The following ATG7 variants were observed in gnomAD, a reference collection of about 807,000 sequenced individuals.
ATG7 encodes ubiquitin-like modifier-activating enzyme ATG7.
Under a neutral mutation model 82.4 loss-of-function variants are expected in ATG7, and 70 were observed. The observed-to-expected ratio is 0.85, with a 90% CI of 0.70 to 1.04. The LOEUF is 1.04. Ranked by LOEUF, ATG7 falls within the 50% of genes least tolerant of loss-of-function variation. ATG7 has a pLI of 0.00. For missense variants in ATG7, 792 were observed against 864.3 expected (o/e 0.92, Z 1.05); for synonymous variants, 287 against 313.0 (o/e 0.92, Z 0.88).
intron 3 of ATG7, 49 bp from the exon 4 acceptor site, chr3:11,298,636 GT>G (rs1946315811): frequency 6.5e-7 from 1 of 1,543,088 alleles, no homozygotes. Flanking sequence ...TTCTCACCAG[GT>G]TTTGCATGGA....
intron 19 of ATG7, among the ~76,000 whole-genome samples, chr3:11,422,838 T>C (rs1239949841): frequency 7.4e-6 from 1 of 134,410 alleles, no homozygotes; most frequent in Non-Finnish European, 1.5e-5. Flanking sequence ...CACTGCAACG[T>C]CCGCCTCCTG....
At chr3:11,393,076 G>A (rs995316797) in intron 19 of ATG7, among the ~76,000 whole-genome samples, 6 of 152,178 alleles carry the variant, frequency 3.9e-5, no homozygotes, top group African/African-American at 1.4e-4. Context: ...CATTGGCGCA[G>A]GTGATGGAAT....
intron 19 of ATG7, among the ~76,000 whole-genome samples, chr3:11,387,870 T>A (rs2078439742): frequency 6.6e-6 from 1 of 152,160 alleles, no homozygotes; most frequent in South Asian, 2.1e-4. Flanking sequence ...CTCAGGAGGC[T>A]GAGGCAGGAG....
intron 6 of ATG7, 139 bp from the exon 7 acceptor site, chr3:11,308,845 C>G: frequency 1.3e-6 from 1 of 767,290 alleles, no homozygotes; most frequent in Non-Finnish European, 2.3e-6. Flanking sequence ...AGGTAACAAC[C>G]CACTTCATTG....
intron 20 of ATG7, among the ~76,000 whole-genome samples, chr3:11,455,069 TGAAG>T (rs1345524330): frequency 1.3e-5 from 2 of 152,234 alleles, no homozygotes; most frequent in Admixed American, 1.3e-4. Context: ...TAAATTCTAA[TGAAG>T]GAGTTTAACA....
rs60183965 is a variant in ATG7, at chr3:11,366,971, C to CTGTGTGTGTGTG, written c.1875+2269_1875+2280dup. Among the ~76,000 whole-genome samples, 1,151 of 139,766 alleles carry CTGTGTGTGTGTG rather than the reference C, an allele frequency of 8.2e-3. 7 individuals are homozygous for CTGTGTGTGTGTG. Among genetic ancestry groups the CTGTGTGTGTGTG allele is most frequent in the East Asian group, 0.014 (67 of 4,622 alleles). The allele number at this position is 139,766 out of a possible 152,430, so 91.7% of individuals were successfully genotyped here. A position where few individuals can be genotyped will look rare whatever the true frequency, so the allele number is the denominator to read the frequency against. ...ATAACGCAGCCATATATGGGAAAAG[C>CTGTGTGTGTGTG]TGTGTGTGTGTGTGTGTGTGTGTGT... On this transcript the variant is annotated intron_variant, in intron 18 of 20. Transcript: ENST00000693202.
chr3:11,491,021 C>G (rs1258686806), intron 20 of ATG7, among the ~76,000 whole-genome samples: 1 of 152,198 alleles, frequency 6.6e-6, no homozygotes, highest in Non-Finnish European at 1.5e-5. Context: ...GTTGGCCTAC[C>G]TTGCTAGATT....
intron 3 of ATG7, among the ~76,000 whole-genome samples, chr3:11,291,048 A>T (rs141210616): frequency 3.9e-5 from 6 of 152,200 alleles, no homozygotes; most frequent in Non-Finnish European, 5.9e-5. Flanking sequence ...GCTGTAGAAT[A>T]GAGTTTTCTT....
At chr3:11,446,486 T>C (rs988233690) in intron 20 of ATG7, 2 of 443,144 alleles carry the variant, frequency 4.5e-6, no homozygotes, top group Non-Finnish European at 9.0e-6. Context: ...CAAAATACTT[T>C]ATTGTATCTG....
intron 19 of ATG7, among the ~76,000 whole-genome samples, chr3:11,403,124 T>C (rs1363233664): frequency 2.6e-5 from 4 of 152,192 alleles, no homozygotes; most frequent in Non-Finnish European, 5.9e-5. Context: ...TTCTTAAAGA[T>C]ATTCAAGAGC....
rs140177486 is a variant in ATG7 at position 11,442,922 on chromosome 3, A to T, written c.2079+15996A>T. Among the ~76,000 whole-genome samples the T allele has an allele frequency of 2.2e-3, 342 of 152,232 alleles. 6 individuals are homozygous for T. In the East Asian group the frequency reaches 0.024, roughly 10 times the overall value. Reference sequence around the variant, plus strand: ...GGCCACAAAGCAAGACCTTGGCTGTACAACAAACAAAACAAAAGGAAAAAC... The same window carrying T: ...GGCCACAAAGCAAGACCTTGGCTGTTCAACAAACAAAACAAAAGGAAAAAC... On this transcript the variant is annotated intron_variant, in intron 20 of 20. Coordinates refer to ENST00000693202, the MANE Select transcript of ATG7 (RefSeq NM_001349232.2).
chr3:11,398,774 C>A (rs1003874785), intron 19 of ATG7, among the ~76,000 whole-genome samples: 3 of 152,148 alleles, frequency 2.0e-5, no homozygotes, highest in Non-Finnish European at 2.9e-5. Context: ...TTGCTTAAGC[C>A]CGGGAGTTTG....
chr3:11,358,723 G>C, intron 15 of ATG7, 111 bp downstream of exon 15: 1 of 1,174,446 alleles, frequency 8.5e-7, no homozygotes, highest in Non-Finnish European at 1.2e-6. Context: ...GTGTGACCTG[G>C]TAGCATAGTG....
At position 11,362,891 on chromosome 3, in the gene ATG7, G is replaced by A. The variant is rs767710550; in HGVS notation, c.1762G>A (p.Val588Met). 219 of 1,613,894 alleles carry A rather than the reference G, an allele frequency of 1.4e-4. No homozygotes were observed. The highest frequency in any genetic ancestry group is 1.7e-4 in the Non-Finnish European group (201 of 1,179,954). Residue 588 changes from valine (V) to methionine (M), a missense_variant, in exon 17 of 21, where the codon GTG (valine) becomes ATG (methionine). Val to Met is a conservative substitution (Grantham distance 21, BLOSUM62 1). Coordinates refer to ENST00000693202, the MANE Select transcript of ATG7 (RefSeq NM_001349232.2). ...GGCCGTGATTGCAGGAGCCCTGGCCGTGGAATTGATGGTATCTGTTTTGCA... is the reference window on the plus strand; with the variant it reads ...GGCCGTGATTGCAGGAGCCCTGGCCATGGAATTGATGGTATCTGTTTTGCA... Reference protein sequence around the residue: ...GLAVIAGALAVELMVSVLQHP... With the variant: ...GLAVIAGALAMELMVSVLQHP...
At chr3:11,348,331 A>G in intron 14 of ATG7, 1 of 305,296 alleles carries the variant, frequency 3.3e-6, no homozygotes, top group South Asian at 4.4e-5. Context: ...TGAGTGTTAC[A>G]GCTCTTAAAG....
intron 13 of ATG7, among the ~76,000 whole-genome samples, chr3:11,343,889 T>C (rs1190901181): frequency 6.6e-6 from 1 of 152,210 alleles, no homozygotes; most frequent in Non-Finnish European, 1.5e-5. Context: ...AATGAATTTA[T>C]AGATAAATTA....
At chr3:11,502,677 A>T (rs2091429024) in intron 20 of ATG7, among the ~76,000 whole-genome samples, 1 of 152,094 alleles carries the variant, frequency 6.6e-6, no homozygotes, top group Non-Finnish European at 1.5e-5. Flanking sequence ...TTGTGGCATT[A>T]TTCACAAGAA....
chr3:11,445,912 G>T lies in ATG7; in HGVS notation c.2079+18986G>T, dbSNP rs185465151. Reference sequence around the variant, plus strand: ...TCACTGATGATGTTAAACGTCTTATGTATATTACTTATTTGGATTCTTCTT... The same window carrying T: ...TCACTGATGATGTTAAACGTCTTATTTATATTACTTATTTGGATTCTTCTT... On this transcript the variant is annotated intron_variant, in intron 20 of 20. Coordinates refer to ENST00000693202, the MANE Select transcript of ATG7 (RefSeq NM_001349232.2). 1.8e-4 allele frequency among the ~76,000 whole-genome samples: 27 copies of T among 152,178 alleles called. No individual in the cohort carries two copies. The East Asian group carries it at 2.3e-3, about 13-fold the overall frequency.
At chr3:11,438,031 C>T (rs2083519988) in intron 20 of ATG7, among the ~76,000 whole-genome samples, 1 of 152,232 alleles carries the variant, frequency 6.6e-6, no homozygotes, top group South Asian at 2.1e-4. Context: ...TACTTAAGCA[C>T]TGGTCATACA....
Sources: gnomAD v4.1 joint callset for allele counts (sites outside exome capture counted in the v4.1 genomes callset) on GRCh38, gnomAD v4.1.1 for gene constraint, MANE v1.5 for transcripts, NCBI Gene and HGNC (gene_info 2026-07-23, HGNC 2026-07-21) for gene names.